RNF125: variants seen among roughly 807,000 people sequenced by gnomAD.
RNF125 encodes the protein E3 ubiquitin-protein ligase RNF125.
Under a neutral mutation model 26.0 loss-of-function variants are expected in RNF125, and 21 were observed. The ratio of observed to expected loss-of-function variants is 0.81; its 90% CI spans 0.57 to 1.16. RNF125 has a LOEUF of 1.16. Ranked by LOEUF, RNF125 falls within the 50% of genes most tolerant of loss-of-function variation. The pLI is 0.00. For missense variants in RNF125, 270 were observed against 299.4 expected (o/e 0.90, Z 0.72); for synonymous variants, 95 against 109.2 (o/e 0.87, Z 0.81).
intron 1 of RNF125, among the ~76,000 whole-genome samples, chr18:32,024,138 T>C (rs1310837761): frequency 2.0e-5 from 3 of 151,016 alleles, no homozygotes; most frequent in Admixed American, 6.6e-5. Flanking sequence ...AAATAACTTC[T>C]AAACTAGACA....
At chr18:32,064,849 T>C (rs2039469611) in intron 4 of RNF125, among the ~76,000 whole-genome samples, 1 of 152,146 alleles carries the variant, frequency 6.6e-6, no homozygotes, top group African/African-American at 2.4e-5. Flanking sequence ...GTTGACCTGG[T>C]AATTGCCATT....
At chr18:32,056,708 A>G (rs2039388459) in intron 4 of RNF125, among the ~76,000 whole-genome samples, 1 of 147,562 alleles carries the variant, frequency 6.8e-6, no homozygotes, top group Admixed American at 6.7e-5. Flanking sequence ...CTCAAAAAAA[A>G]TTTAAAAAAA....
At chr18:32,087,908 C>T in the RNF125 span, among the ~76,000 whole-genome samples, 2 of 152,082 alleles carry the variant, frequency 1.3e-5, no homozygotes, top group Admixed American at 6.6e-5. Context: ...GATAACAATA[C>T]GAAGATCCAC....
chr18:32,063,925 G>A (rs1445414852), intron 4 of RNF125, among the ~76,000 whole-genome samples: 10 of 151,450 alleles, frequency 6.6e-5, no homozygotes, highest in African/African-American at 2.4e-4. Flanking sequence ...ATAAAGGATA[G>A]CAACGCACTG....
chr18:32,049,911 G>T (rs888370532), intron 4 of RNF125, among the ~76,000 whole-genome samples: 7 of 152,126 alleles, frequency 4.6e-5, no homozygotes, highest in Non-Finnish European at 7.4e-5. Flanking sequence ...GTGCTTAGGG[G>T]TCCCTAATGG....
Position 32,049,202 on chromosome 18 carries a change from T to C in RNF125, c.504+3470T>C, listed in dbSNP as rs115217253. On this transcript the variant is annotated intron_variant, in intron 4 of 5. Transcript: ENST00000217740. The stretch of plus-strand genomic sequence containing the variant: ...ATGATTTTACAGGTCTTCAGGGTCA[T>C]TGAAGACAGCTGACCTAAGCAGGGA... Among the ~76,000 whole-genome samples the C allele has an allele frequency of 8.1e-3, 1,239 of 152,298 alleles. 27 individuals carry two copies. Among genetic ancestry groups the C allele is most frequent in the African/African-American group, 0.028 (1,162 of 41,552 alleles).
chr18:32,031,563 A>AATAATG (rs1333448298), intron 1 of RNF125, among the ~76,000 whole-genome samples: 1 of 151,784 alleles, frequency 6.6e-6, no homozygotes, highest in Non-Finnish European at 1.5e-5. Context: ...CTTGCCTCTA[A>AATAATG]ATAATGTAAG....
the RNF125 span, among the ~76,000 whole-genome samples, chr18:32,081,729 T>A: frequency 6.6e-6 from 1 of 152,316 alleles, no homozygotes; most frequent in East Asian, 1.9e-4. Context: ...TAATTTAAAA[T>A]TTTTAATATT....
the RNF125 span, among the ~76,000 whole-genome samples, chr18:32,080,695 C>T: frequency 1.3e-5 from 2 of 151,942 alleles, no homozygotes; most frequent in Admixed American, 6.6e-5. Context: ...CTGTCTTATA[C>T]ACTTAAAAGT....
chr18:32,036,033 A>G (rs187536447), intron 1 of RNF125, among the ~76,000 whole-genome samples: 45 of 152,150 alleles, frequency 3.0e-4, no homozygotes, highest in Non-Finnish European at 5.4e-4. Context: ...GGGTGCCAGT[A>G]ATCCCAGCTA....
chr18:32,075,203 G>A (rs77204840), downstream of RNF125, among the ~76,000 whole-genome samples: 2,325 of 152,212 alleles, frequency 0.015, 68 homozygotes, highest in African/African-American at 0.053. Flanking sequence ...CCATCCATCA[G>A]CGTCTCTTGC....
chr18:32,019,046 C>T lies in RNF125; in HGVS notation c.164+19C>T. On this transcript the variant is annotated intron_variant, in intron 1 of 5. Transcript: ENST00000217740. The stretch of plus-strand genomic sequence containing the variant: ...GCCACGTGTAAGTTCCAGGGGAGCT[C>T]GGTTTGCGCCCACCCCTAAGGAGGG... 4 of 1,610,042 alleles carry T rather than the reference C, an allele frequency of 2.5e-6. No homozygotes were observed. Among genetic ancestry groups the T allele is most frequent in the Non-Finnish European group, 3.4e-6 (4 of 1,178,348 alleles).
intron 1 of RNF125, among the ~76,000 whole-genome samples, chr18:32,020,543 C>T (rs1472633622): frequency 3.3e-5 from 5 of 151,456 alleles, no homozygotes; most frequent in Non-Finnish European, 7.4e-5. Flanking sequence ...AATGCAAGTG[C>T]ACAACATGTT....
At chr18:32,053,972 G>C (rs1048838589) in intron 4 of RNF125, among the ~76,000 whole-genome samples, 4 of 151,880 alleles carry the variant, frequency 2.6e-5, no homozygotes, top group African/African-American at 9.7e-5. Flanking sequence ...TGTGGCTTTG[G>C]TGTTTGGTGT....
intron 4 of RNF125, among the ~76,000 whole-genome samples, chr18:32,060,162 AG>A (rs899591932): frequency 6.6e-6 from 1 of 152,222 alleles, no homozygotes; most frequent in Admixed American, 6.5e-5. Flanking sequence ...AACATGCTCA[AG>A]GCCAGGAAAT....
chr18:32,078,130 C>G (rs958740970), downstream of RNF125, among the ~76,000 whole-genome samples: 29 of 152,224 alleles, frequency 1.9e-4, no homozygotes, highest in African/African-American at 7.0e-4. Context: ...AGCAAAATTT[C>G]TCAATTAATA....
intron 4 of RNF125, among the ~76,000 whole-genome samples, chr18:32,061,174 G>C (rs1381184209): frequency 3.3e-5 from 5 of 151,768 alleles, no homozygotes; most frequent in Admixed American, 3.3e-4. Flanking sequence ...ACAGGCACCC[G>C]CCACCACACC....
intron 2 of RNF125, 143 bp from the exon 3 acceptor site, chr18:32,042,033 TTGG>T: frequency 1.6e-6 from 1 of 639,136 alleles, no homozygotes; most frequent in Non-Finnish European, 2.8e-6. Flanking sequence ...GCCTTAATTT[TTGG>T]TGGTACTGGT....
chr18:32,042,134 G>A (rs1324267820), intron 2 of RNF125, 45 bp from the exon 3 acceptor site: 20 of 1,371,196 alleles, frequency 1.5e-5, no homozygotes, highest in Non-Finnish European at 1.9e-5. Flanking sequence ...CTTTCATTGA[G>A]CCCTTTTTTA....
Sources: allele counts gnomAD v4.1 joint callset (sites outside exome capture counted in the v4.1 genomes callset), GRCh38; gene constraint gnomAD v4.1.1; transcripts MANE v1.5; gene names NCBI Gene and HGNC (gene_info 2026-07-23, HGNC 2026-07-21).